CRY1: variants seen among roughly 807,000 people sequenced by gnomAD.
CRY1 encodes cryptochrome-1.
Under a neutral mutation model 76.0 loss-of-function variants are expected in CRY1, and 45 were observed. The ratio of observed to expected loss-of-function variants is 0.59; its 90% CI spans 0.47 to 0.76. The LOEUF is 0.76. CRY1 is among the 30% of genes least tolerant of loss of function. The pLI is 0.00. For synonymous variants in CRY1, 248 were observed against 244.0 expected, an observed-to-expected ratio of 1.02 and a Z score of -0.15; for missense variants, 587 against 716.4, an observed-to-expected ratio of 0.82 and a Z score of 2.06.
intron 2 of CRY1, among the ~76,000 whole-genome samples, chr12:107,006,824 G>A (rs1053543537): frequency 1.3e-5 from 2 of 151,968 alleles, no homozygotes; most frequent in Non-Finnish European, 2.9e-5. Context: ...GCTAATTTTT[G>A]TATTTTCAGT....
Position 107,036,596 on chromosome 12 carries a change from T to C in CRY1, c.159-14404A>G, listed in dbSNP as rs984210966. On this transcript the variant is annotated intron_variant, in intron 1 of 12. Coordinates refer to ENST00000008527, the MANE Select transcript of CRY1 (RefSeq NM_004075.5). ...ATTTAAAGTTGGTGGTTTTTTTTTTTTTTTAAGTCCTTAAAATGGCTTTCT... is the reference window on the plus strand; with the variant it reads ...ATTTAAAGTTGGTGGTTTTTTTTTTCTTTTAAGTCCTTAAAATGGCTTTCT... Among the ~76,000 whole-genome samples, 7 of 152,138 alleles carry C rather than the reference T, an allele frequency of 4.6e-5. No individual in the cohort carries two copies. In the South Asian group the frequency reaches 6.2e-4, roughly 14 times the overall value.
chr12:107,066,982 T>G (rs1244572457), intron 1 of CRY1, among the ~76,000 whole-genome samples: 1 of 151,216 alleles, frequency 6.6e-6, no homozygotes, highest in African/African-American at 2.4e-5. Context: ...TTTATGTATT[T>G]GTTTGTTTGA....
At chr12:107,010,231 C>G (rs1952428048) in intron 2 of CRY1, among the ~76,000 whole-genome samples, 1 of 152,114 alleles carries the variant, frequency 6.6e-6, no homozygotes. Context: ...TGTCCTCTTT[C>G]TTATTCCTGA....
At chr12:106,994,744 C>T (rs147260516) in intron 10 of CRY1, among the ~76,000 whole-genome samples, 165 of 152,312 alleles carry the variant, frequency 1.1e-3, no homozygotes, top group Non-Finnish European at 2.0e-3. Flanking sequence ...TGTGTATTAG[C>T]CCAACCCTTG....
chr12:107,005,349 T>C, intron 2 of CRY1, 101 bp from the exon 3 acceptor site: 1 of 1,248,666 alleles, frequency 8.0e-7, no homozygotes, highest in Non-Finnish European at 1.1e-6. Context: ...ATCAAAGGAT[T>C]ATACATAAAT....
At chr12:107,076,792 G>A (rs113346144) in intron 1 of CRY1, among the ~76,000 whole-genome samples, 1,708 of 152,106 alleles carry the variant, frequency 0.011, 43 homozygotes, top group African/African-American at 0.039. Context: ...CAGGTTTCTC[G>A]AATTATTTAG....
chr12:107,082,715 A>C (rs182328055), intron 1 of CRY1, among the ~76,000 whole-genome samples: 38 of 152,222 alleles, frequency 2.5e-4, no homozygotes, highest in African/African-American at 8.4e-4. Flanking sequence ...GGAAATTTAT[A>C]GCACTAAATG....
chr12:107,003,256 TA>T (rs1296897938), intron 3 of CRY1, among the ~76,000 whole-genome samples: 1 of 152,180 alleles, frequency 6.6e-6, no homozygotes, highest in Non-Finnish European at 1.5e-5. Flanking sequence ...AATTATTAAT[TA>T]AAAAAATAAC....
chr12:107,022,291 C>T, intron 1 of CRY1, 99 bp from the exon 2 acceptor site: 1 of 633,676 alleles, frequency 1.6e-6, no homozygotes, highest in East Asian at 3.4e-5. Flanking sequence ...GAAATGCCAA[C>T]CTATCATCTT....
intron 2 of CRY1, among the ~76,000 whole-genome samples, chr12:107,010,686 C>T (rs1017217703): frequency 6.6e-6 from 1 of 151,984 alleles, no homozygotes; most frequent in African/African-American, 2.4e-5. Context: ...TCAAGTGATC[C>T]TCCCATTTCA....
At chr12:107,035,990 C>T (rs753562797) in intron 1 of CRY1, among the ~76,000 whole-genome samples, 6 of 152,172 alleles carry the variant, frequency 3.9e-5, no homozygotes, top group Non-Finnish European at 8.8e-5. Context: ...TTTCATCTTG[C>T]TCATGCTGAG....
intron 1 of CRY1, among the ~76,000 whole-genome samples, chr12:107,055,508 A>C (rs1952972007): frequency 6.6e-6 from 1 of 152,172 alleles, no homozygotes; most frequent in Non-Finnish European, 1.5e-5. Flanking sequence ...AATAGGCTAA[A>C]TAGGGTATTC....
chr12:106,993,083 GATGT>G, intron 10 of CRY1, 47 bp from the exon 11 acceptor site: 1 of 1,577,024 alleles, frequency 6.3e-7, no homozygotes. Context: ...TCAAATCCAA[GATGT>G]ATGTATTATT....
intron 1 of CRY1, among the ~76,000 whole-genome samples, chr12:107,028,380 G>A (rs2136853366): frequency 6.6e-6 from 1 of 152,106 alleles, no homozygotes; most frequent in Admixed American, 6.6e-5. Flanking sequence ...CTGAAGATAA[G>A]AGTTTAATGT....
At chr12:107,002,289 C>A (rs556871865) in intron 3 of CRY1, among the ~76,000 whole-genome samples, 2 of 152,248 alleles carry the variant, frequency 1.3e-5, no homozygotes, top group African/African-American at 4.8e-5. Flanking sequence ...TTAATACACA[C>A]AGACATATGA....
rs774632190 is a variant in CRY1 at position 106,999,647 on chromosome 12, A to G, written c.1041T>C (p.Leu347=). The change falls in exon 7 of 13, where the codon CTT becomes CTC. Residue 347 remains leucine, a synonymous_variant. Coordinates refer to ENST00000008527, the MANE Select transcript of CRY1 (RefSeq NM_004075.5). The stretch of plus-strand genomic sequence containing the variant: ...GATGATGAATCCAACCCTCCTGACG[A>G]AGCTGTGTCATGATGGCATCAATCC... ...FPWIDAIMTQ[L]RQEGWIHHLA... 1.9e-6 allele frequency: 3 copies of G among 1,614,258 alleles called. No homozygotes were observed. Among genetic ancestry groups the G allele is most frequent in the Non-Finnish European group, 2.5e-6 (3 of 1,180,042 alleles).
intron 1 of CRY1, among the ~76,000 whole-genome samples, chr12:107,086,215 G>A (rs763148877): frequency 6.6e-6 from 1 of 152,106 alleles, no homozygotes; most frequent in Non-Finnish European, 1.5e-5. Context: ...CCTACTATCA[G>A]ATATGGGAGT....
intron 3 of CRY1, among the ~76,000 whole-genome samples, chr12:107,002,314 C>T (rs1593495108): frequency 6.6e-6 from 1 of 152,208 alleles, no homozygotes; most frequent in East Asian, 1.9e-4. Flanking sequence ...CATGTTATGG[C>T]CCAGCTCAAA....
At chr12:107,065,026 G>A (rs73184264) in intron 1 of CRY1, among the ~76,000 whole-genome samples, 1 of 152,172 alleles carries the variant, frequency 6.6e-6, no homozygotes, top group East Asian at 1.9e-4. Context: ...GCTGGGCATG[G>A]TGGCTCACAC....
Sources: allele counts gnomAD v4.1 joint callset (sites outside exome capture counted in the v4.1 genomes callset), GRCh38; gene constraint gnomAD v4.1.1; transcripts MANE v1.5; gene names NCBI Gene and HGNC (gene_info 2026-07-23, HGNC 2026-07-21).